The following ANKS1B variants were observed in gnomAD, a reference collection of about 807,000 sequenced individuals.
ANKS1B encodes ankyrin repeat and sterile alpha motif domain-containing protein 1B.
A neutral mutation model predicts 148.3 loss-of-function variants in ANKS1B; 36 were observed. That is an observed-to-expected ratio of 0.24 (90% confidence interval 0.19 to 0.32). The LOEUF (loss-of-function observed/expected upper bound fraction) is 0.32. ANKS1B is among the 10% of genes least tolerant of loss of function. The probability of loss-of-function intolerance (pLI) is 1.00; values close to 1 mark genes in which losing one functional copy is unlikely to be tolerated. For missense variants in ANKS1B, 1,157 were observed against 1,542.6 expected (o/e 0.75, Z 4.19); for synonymous variants, 542 against 560.8 (o/e 0.97, Z 0.47).
At chr12:99,873,883 C>T (rs1452784492) in intron 1 of ANKS1B, among the ~76,000 whole-genome samples, 1 of 151,954 alleles carries the variant, frequency 6.6e-6, no homozygotes, top group Non-Finnish European at 1.5e-5. Flanking sequence ...ACCAGCAGAC[C>T]ACCTTTGGAC....
intron 17 of ANKS1B, among the ~76,000 whole-genome samples, chr12:99,021,021 A>G (rs2099945510): frequency 6.6e-6 from 1 of 152,160 alleles, no homozygotes; most frequent in Admixed American, 6.6e-5. Flanking sequence ...GATATCTATG[A>G]TGCCAGAAAC....
intron 10 of ANKS1B, among the ~76,000 whole-genome samples, chr12:99,475,049 C>G (rs2096295120): frequency 6.7e-6 from 1 of 150,308 alleles, no homozygotes; most frequent in Admixed American, 6.6e-5. Flanking sequence ...TCAGCCTGGC[C>G]AACATGGTGA....
chr12:99,881,527 A>G (rs550564253), intron 1 of ANKS1B, among the ~76,000 whole-genome samples: 6 of 152,342 alleles, frequency 3.9e-5, no homozygotes, highest in Admixed American at 2.0e-4. Flanking sequence ...GTTTGTGGCC[A>G]AGGAACCAAA....
intron 9 of ANKS1B, among the ~76,000 whole-genome samples, chr12:99,583,515 A>G (rs2097591342): frequency 6.6e-6 from 1 of 152,186 alleles, no homozygotes; most frequent in African/African-American, 2.4e-5. Context: ...CAAATGACTA[A>G]CACTATTTTA....
chr12:99,633,239 T>C (rs1406869182), intron 9 of ANKS1B, among the ~76,000 whole-genome samples: 1 of 152,052 alleles, frequency 6.6e-6, no homozygotes, highest in East Asian at 1.9e-4. Flanking sequence ...GTGTCTGTAC[T>C]ACAAGGCTAC....
chr12:99,459,820 G>T (rs1441539143), intron 10 of ANKS1B, among the ~76,000 whole-genome samples: 1 of 151,958 alleles, frequency 6.6e-6, no homozygotes, highest in African/African-American at 2.4e-5. Context: ...TGTGAAAAAT[G>T]ACCATACTGC....
At chr12:99,857,596 A>G (rs1400072441) in intron 1 of ANKS1B, among the ~76,000 whole-genome samples, 1 of 152,180 alleles carries the variant, frequency 6.6e-6, no homozygotes, top group African/African-American at 2.4e-5. Context: ...CTAAGCAAAA[A>G]GAACATACCT....
At chr12:99,396,158 T>C (rs1376386680) in intron 12 of ANKS1B, among the ~76,000 whole-genome samples, 1 of 152,188 alleles carries the variant, frequency 6.6e-6, no homozygotes, top group Non-Finnish European at 1.5e-5. Context: ...TAAACTCATT[T>C]ATTACTACAA....
intron 17 of ANKS1B, among the ~76,000 whole-genome samples, chr12:99,040,304 G>A (rs1279037730): frequency 3.3e-5 from 5 of 151,534 alleles, no homozygotes; most frequent in Non-Finnish European, 7.4e-5. Flanking sequence ...GTGTATAGTG[G>A]TACTACAGGG....
intron 1 of ANKS1B, among the ~76,000 whole-genome samples, chr12:99,982,929 A>G (rs1261186674): frequency 6.6e-6 from 1 of 152,224 alleles, no homozygotes; most frequent in Admixed American, 6.5e-5. Context: ...AGCTAGCCCT[A>G]TAATTAATTG....
chr12:99,793,297 C>G (rs1401524127), intron 4 of ANKS1B, among the ~76,000 whole-genome samples: 1 of 152,040 alleles, frequency 6.6e-6, no homozygotes, highest in Non-Finnish European at 1.5e-5. Context: ...CAATACCTAT[C>G]AACATACCAA....
chr12:98,814,468 G>A (rs753780829), intron 19 of ANKS1B, among the ~76,000 whole-genome samples: 6 of 152,156 alleles, frequency 3.9e-5, no homozygotes, highest in Non-Finnish European at 5.9e-5. Context: ...CCTTTCATAA[G>A]CTATGTCACT....
intron 17 of ANKS1B, among the ~76,000 whole-genome samples, chr12:98,835,569 A>G (rs1057037923): frequency 9.2e-5 from 14 of 152,216 alleles, no homozygotes; most frequent in Admixed American, 2.6e-4. Context: ...ATTTCTAGCT[A>G]TTAGTCTGAG....
At chr12:99,736,483 G>A (rs561885126) in intron 8 of ANKS1B, among the ~76,000 whole-genome samples, 13 of 151,754 alleles carry the variant, frequency 8.6e-5, no homozygotes, top group Non-Finnish European at 1.3e-4. Flanking sequence ...AAACCAAGAA[G>A]GCAATCTTAT....
At chr12:99,939,595 T>C (rs764671334) in intron 1 of ANKS1B, among the ~76,000 whole-genome samples, 8 of 152,110 alleles carry the variant, frequency 5.3e-5, no homozygotes, top group Non-Finnish European at 8.8e-5. Flanking sequence ...GTAGTATAAA[T>C]ATTTTCACAT....
At chr12:99,461,333 G>T (rs527908449) in intron 10 of ANKS1B, among the ~76,000 whole-genome samples, 1 of 152,202 alleles carries the variant, frequency 6.6e-6, no homozygotes, top group African/African-American at 2.4e-5. Flanking sequence ...AGTGTACACT[G>T]TTCAGGTGAT....
At chr12:98,909,996 G>A (rs2099784593) in intron 17 of ANKS1B, among the ~76,000 whole-genome samples, 1 of 152,232 alleles carries the variant, frequency 6.6e-6, no homozygotes, top group Admixed American at 6.5e-5. Flanking sequence ...ACCAGGTGCT[G>A]ATCCATCAGG....
intron 15 of ANKS1B, among the ~76,000 whole-genome samples, chr12:99,136,904 A>G (rs981200142): frequency 1.3e-5 from 2 of 152,094 alleles, no homozygotes; most frequent in Non-Finnish European, 2.9e-5. Flanking sequence ...TGTCCTTGGC[A>G]TCATTGTTCC....
At chr12:99,069,263 A>T (rs565454261) in intron 16 of ANKS1B, among the ~76,000 whole-genome samples, 3 of 152,324 alleles carry the variant, frequency 2.0e-5, no homozygotes, top group Admixed American at 6.5e-5. Context: ...TTATGTCTAC[A>T]TCACGTGGCA....
Sources: allele counts gnomAD v4.1 joint callset (sites outside exome capture counted in the v4.1 genomes callset), GRCh38; gene constraint gnomAD v4.1.1; transcripts MANE v1.5; gene names NCBI Gene and HGNC (gene_info 2026-07-23, HGNC 2026-07-21).